RGS3: variants seen among roughly 807,000 people sequenced by gnomAD.
RGS3 encodes the protein regulator of G protein signaling 3.
Under a neutral mutation model 132.6 loss-of-function variants are expected in RGS3, and 80 were observed. That is an observed-to-expected ratio of 0.60 (90% confidence interval 0.50 to 0.73). The LOEUF is 0.73. RGS3 is among the 30% of genes least tolerant of loss of function. RGS3 has a pLI of 0.00. For missense variants in RGS3, 1,382 were observed against 1,530.8 expected, an observed-to-expected ratio of 0.90 and a Z score of 1.62; for synonymous variants, 598 against 620.6, an observed-to-expected ratio of 0.96 and a Z score of 0.54.
chr9:113,549,383 A>G (rs1833239659), intron 19 of RGS3, among the ~76,000 whole-genome samples: 1 of 152,230 alleles, frequency 6.6e-6, no homozygotes, highest in South Asian at 2.1e-4. Context: ...CTGACTTTCT[A>G]TAACCCCCTT....
At chr9:113,448,320 TC>T (rs1204932292) in intron 1 of RGS3, among the ~76,000 whole-genome samples, 1 of 152,056 alleles carries the variant, frequency 6.6e-6, no homozygotes, top group African/African-American at 2.4e-5. Flanking sequence ...CTGGCTTCTC[TC>T]CCCCCAGCCC....
At chr9:113,452,814 C>T (rs976620655) in intron 1 of RGS3, among the ~76,000 whole-genome samples, 5 of 148,458 alleles carry the variant, frequency 3.4e-5, no homozygotes, top group Non-Finnish European at 7.4e-5. Context: ...AATGTCTAAC[C>T]CATTGTTAAT....
chr9:113,467,675 G>T (rs1342978022), intron 3 of RGS3, among the ~76,000 whole-genome samples: 1 of 151,978 alleles, frequency 6.6e-6, no homozygotes, highest in Non-Finnish European at 1.5e-5. Flanking sequence ...CTATCTGTGG[G>T]TTTTTTTCAC....
At chr9:113,524,054 G>A (rs185850019) in intron 17 of RGS3, among the ~76,000 whole-genome samples, 1 of 152,292 alleles carries the variant, frequency 6.6e-6, no homozygotes, top group East Asian at 1.9e-4. Context: ...CCCTCCAGGC[G>A]GGCTCAGCCT....
chr9:113,482,379 G>T (rs1368777026), intron 4 of RGS3, among the ~76,000 whole-genome samples: 1 of 152,160 alleles, frequency 6.6e-6, no homozygotes, highest in African/African-American at 2.4e-5. Flanking sequence ...ATTAAAAATG[G>T]CAAATTCTGT....
At position 113,553,459 on chromosome 9, in the gene RGS3, A is replaced by AAAAAAAATAT. The variant is rs1426114805; in HGVS notation, c.2037+16542_2037+16543insAAAAAATATA. 1.5e-3 allele frequency among the ~76,000 whole-genome samples: 90 copies of AAAAAAAATAT among 58,674 alleles called. 1 individual carries two copies. Among genetic ancestry groups the AAAAAAAATAT allele is most frequent in the Non-Finnish European group, 2.0e-3 (67 of 33,048 alleles). The allele number at this position is 58,674 out of a possible 152,430, so 38.5% of individuals were successfully genotyped here. A position where few individuals can be genotyped will look rare whatever the true frequency, so the allele number is the denominator to read the frequency against. On this transcript the variant is annotated intron_variant, in intron 19 of 24. Coordinates refer to ENST00000350696, the Ensembl canonical transcript of RGS3. Reference sequence around the variant, plus strand: ...CTCTGTTTAAAAAAAAAAAAAAAAAAATATATATATATATATATATATATA... The same window carrying AAAAAAAATAT: ...CTCTGTTTAAAAAAAAAAAAAAAAAAAAAAAAATATATATATATATATATATATATATATA...
chr9:113,582,025 T>C (rs758340215), intron 19 of RGS3: 1 of 985,548 alleles, frequency 1.0e-6, no homozygotes, highest in Non-Finnish European at 1.2e-6. Flanking sequence ...AGGCTGTGGC[T>C]CTTACCCGTG....
intron 19 of RGS3, among the ~76,000 whole-genome samples, chr9:113,553,207 TGAG>T (rs1833410575): frequency 6.7e-6 from 1 of 150,240 alleles, no homozygotes; most frequent in South Asian, 2.1e-4. Flanking sequence ...TTTGGGAGGC[TGAG>T]GTGGGATGAT....
At position 113,586,021 on chromosome 9, in the gene RGS3, A is replaced by C. The variant is rs549974706; in HGVS notation, c.3015+1594A>C. Among the ~76,000 whole-genome samples the C allele has an allele frequency of 3.3e-5, 5 of 152,348 alleles. No individual in the cohort carries two copies. In the South Asian group the frequency reaches 1.0e-3, roughly 32 times the overall value. On this transcript the variant is annotated intron_variant, in intron 20 of 24. Coordinates refer to ENST00000350696, the Ensembl canonical transcript of RGS3. ...GGGAGGTAATTAATATGTGATTCCTAGTCCCCATACCCAGAACTCTGGAAT... is the reference window on the plus strand; with the variant it reads ...GGGAGGTAATTAATATGTGATTCCTCGTCCCCATACCCAGAACTCTGGAAT...
At chr9:113,582,954 T>A (rs191925584) in intron 19 of RGS3, 3 of 166,560 alleles carry the variant, frequency 1.8e-5, no homozygotes, top group Admixed American at 5.5e-5. Context: ...TAGGATTTTT[T>A]AAACTTGAGT....
intron 3 of RGS3, among the ~76,000 whole-genome samples, chr9:113,467,796 C>T (rs1047314415): frequency 2.6e-5 from 4 of 152,204 alleles, no homozygotes; most frequent in Middle Eastern, 3.4e-3. Context: ...GACCATGCAG[C>T]CTCAACCTCC....
intron 19 of RGS3, among the ~76,000 whole-genome samples, chr9:113,573,767 G>A (rs1834387719): frequency 6.6e-6 from 1 of 152,172 alleles, no homozygotes; most frequent in Non-Finnish European, 1.5e-5. Context: ...CTCCAACCAT[G>A]TGGAGTCCGA....
chr9:113,496,214 T>C (rs1281624945), intron 8 of RGS3, among the ~76,000 whole-genome samples: 1 of 152,140 alleles, frequency 6.6e-6, no homozygotes, highest in Non-Finnish European at 1.5e-5. Flanking sequence ...CCAGGGGTCC[T>C]CTTCATGTGT....
At chr9:113,519,433 A>G (rs1831828919) in intron 16 of RGS3, among the ~76,000 whole-genome samples, 1 of 151,270 alleles carries the variant, frequency 6.6e-6, no homozygotes, top group Non-Finnish European at 1.5e-5. Flanking sequence ...TAAAATAAAT[A>G]TTAATGTATT....
exon 6 of RGS3, chr9:113,484,153 G>A: frequency 6.2e-7 from 1 of 1,609,752 alleles, no homozygotes. Flanking sequence ...TTTGATCCCT[G>A]AAGATAGTAG....
In RGS3 at chr9:113,591,389, CA is replaced by C. The variant is rs1835417109; in HGVS notation, c.3077del (p.Asn1026ThrfsTer2). On this transcript the variant is annotated frameshift_variant, in exon 21 of 25. Transcript: ENST00000350696. LOFTEE classifies it high-confidence loss of function. This position sits in a 1 kb window ranked among gnomAD's most constrained non-coding sequence, Gnocchi z 4.4. Reference sequence around the variant, plus strand: ...ACGAAGCCTCCCGGAAGAGAAAGAGCAAAAACCTGTACGTTGGGAAGATCCC... The same window carrying C: ...ACGAAGCCTCCCGGAAGAGAAAGAGCAAAACCTGTACGTTGGGAAGATCCC... 1.2e-6 allele frequency: 2 copies of C among 1,613,396 alleles called. No homozygotes were observed. Among genetic ancestry groups the C allele is most frequent in the African/African-American group, 1.3e-5 (1 of 74,904 alleles).
chr9:113,542,909 G>A (rs1832963541), intron 19 of RGS3, among the ~76,000 whole-genome samples: 1 of 152,238 alleles, frequency 6.6e-6, no homozygotes, highest in South Asian at 2.1e-4. Context: ...TGGGCTGGGG[G>A]TGGCCTAGCA....
intron 18 of RGS3, among the ~76,000 whole-genome samples, chr9:113,531,749 ACCT>A (rs1164353912): frequency 6.6e-6 from 1 of 152,050 alleles, no homozygotes; most frequent in Admixed American, 6.6e-5. Context: ...CTCTCCCGAG[ACCT>A]CCTGGGGCCA....
intron 10 of RGS3, among the ~76,000 whole-genome samples, chr9:113,503,104 C>T (rs1366146054): frequency 2.6e-5 from 4 of 152,114 alleles, no homozygotes; most frequent in Non-Finnish European, 4.4e-5. Flanking sequence ...ATGGGTGAGA[C>T]CTGGGAGCAG....
Sources: allele counts gnomAD v4.1 joint callset (sites outside exome capture counted in the v4.1 genomes callset), GRCh38; gene constraint gnomAD v4.1.1; non-coding constraint Gnocchi (gnomAD v3.1); transcripts MANE v1.5; gene names NCBI Gene and HGNC (gene_info 2026-07-23, HGNC 2026-07-21).